CORO7: variants seen among roughly 807,000 people sequenced by gnomAD.
CORO7 encodes coronin 7, also known as coronin-7.
CORO7 carries 107 observed loss-of-function variants against 126.6 expected under a neutral mutation model. The ratio of observed to expected loss-of-function variants is 0.85; its 90% confidence interval spans 0.72 to 0.99. The LOEUF is 0.99. CORO7 is among the 50% of genes least tolerant of loss of function. The pLI, the probability that CORO7 is intolerant of heterozygous loss-of-function variation, is 0.00. For missense variants in CORO7, 1,314 were observed against 1,255.8 expected (o/e 1.05, Z -0.70); for synonymous variants, 603 against 536.8 (o/e 1.12, Z -1.70).
At chr16:4,414,980 G>C (rs989782229) in intron 1 of CORO7, among the ~76,000 whole-genome samples, 1 of 152,024 alleles carries the variant, frequency 6.6e-6, no homozygotes, top group Admixed American at 6.6e-5. Flanking sequence ...TCCAACCTCA[G>C]CCTCCCAAGT....
chr16:4,381,370 C>G (rs762870692), intron 9 of CORO7: 18 of 1,592,978 alleles, frequency 1.1e-5, no homozygotes, highest in East Asian at 2.3e-5. Flanking sequence ...GGCACTGCCC[C>G]CGCTGCGCCT....
At position 4,410,643 on chromosome 16, in the gene CORO7, G is replaced by T. The variant is rs547192988; in HGVS notation, c.232+1713C>A. Among the ~76,000 whole-genome samples the T allele has an allele frequency of 1.9e-3, 282 of 152,298 alleles. 1 individual carries two copies. Among genetic ancestry groups the T allele is most frequent in the African/African-American group, 6.3e-3 (262 of 41,554 alleles). ...ATGTATCTCTAAAACAACATGCTAC[G>T]TGAAAGATGCCAGATTCCAAAGACC... On this transcript the variant is annotated intron_variant, in intron 3 of 27. Transcript: ENST00000251166.
Position 4,362,840 on chromosome 16 carries a change from A to T in CORO7, c.1276-102T>A. 3 of 1,241,626 alleles carry T rather than the reference A, an allele frequency of 2.4e-6. No individual in the cohort carries two copies. The highest frequency in any genetic ancestry group is 3.0e-6 in the Non-Finnish European group (3 of 986,250). The allele number at this position is 1,241,626 out of a possible 1,614,324, so 76.9% of individuals were successfully genotyped here. A position where few individuals can be genotyped will look rare whatever the true frequency, so the allele number is the denominator to read the frequency against. The stretch of plus-strand genomic sequence containing the variant: ...GGTCACCACTCTGGGCCCCCTGCGG[A>T]CTGGAGGAGCCCCCACTGTGGGCAT... On this transcript the variant is annotated intron_variant, in intron 14 of 27. Coordinates refer to ENST00000251166, the MANE Select transcript of CORO7 (RefSeq NM_024535.5). This position sits in a 1 kb window ranked among gnomAD's most constrained non-coding sequence, Gnocchi z 5.3.
intron 7 of CORO7, among the ~76,000 whole-genome samples, chr16:4,392,355 G>A (rs2055424533): frequency 1.3e-5 from 2 of 152,142 alleles, no homozygotes; most frequent in Non-Finnish European, 2.9e-5. Flanking sequence ...AGAACCATCC[G>A]ACTCTCGGGG....
intron 25 of CORO7, chr16:4,357,462 CGA>C (rs2054014465): frequency 1.9e-6 from 1 of 532,930 alleles, no homozygotes; most frequent in Non-Finnish European, 3.2e-6. Flanking sequence ...TGGGTTCAAG[CGA>C]TTCTCCTGCT....
chr16:4,371,782 C>CCCCGCCCCTGCCGCGGCGGG (rs991541440), intron 9 of CORO7: 1 of 152,160 alleles, frequency 6.6e-6, no homozygotes, highest in Non-Finnish European at 1.5e-5. Flanking sequence ...TGGGGAGAGG[C>CCCCGCCCCTGCCGCGGCGGG]CCCGCCCCTG....
intron 7 of CORO7, among the ~76,000 whole-genome samples, chr16:4,393,195 G>A (rs1347401181): frequency 6.6e-6 from 1 of 152,224 alleles, no homozygotes; most frequent in Admixed American, 6.5e-5. Context: ...AGTGCCCTGG[G>A]CTCTGGAGAG....
In CORO7 at chr16:4,407,711, A is replaced by G. The variant is rs376568664; in HGVS notation, c.304-27T>C. 182 of 1,553,200 alleles carry G rather than the reference A, an allele frequency of 1.2e-4. No individual in the cohort carries two copies. In the African/African-American group the frequency reaches 2.0e-3, roughly 17 times the overall value. Reference sequence around the variant, plus strand: ...TGCAAGAAAGACCAAGTCCGTGAGCACAGGGCTGAGGGCCTCACTGCCTTG... The same window carrying G: ...TGCAAGAAAGACCAAGTCCGTGAGCGCAGGGCTGAGGGCCTCACTGCCTTG... On this transcript the variant is annotated intron_variant, in intron 4 of 27. Transcript: ENST00000251166.
rs971759363 is a variant in CORO7, at chr16:4,407,063, G to A, written c.487+438C>T. Among the ~76,000 whole-genome samples, 8 of 151,794 alleles carry A rather than the reference G, an allele frequency of 5.3e-5. No individual in the cohort carries two copies. The South Asian group carries it at 1.0e-3, about 20-fold the overall frequency. The stretch of plus-strand genomic sequence containing the variant: ...CCTGGGTTGGAGCAATACTCTTGCC[G>A]CAGCCTTCTGAGTAGCTGGGATTAC... On this transcript the variant is annotated intron_variant, in intron 5 of 27. Transcript: ENST00000251166.
chr16:4,395,634 G>T (rs956777638), intron 6 of CORO7, among the ~76,000 whole-genome samples: 7 of 152,094 alleles, frequency 4.6e-5, no homozygotes, highest in Non-Finnish European at 8.8e-5. Flanking sequence ...CCAGACACTC[G>T]ACCCCTCCTA....
At chr16:4,374,916 T>C (rs907168782) in intron 9 of CORO7, among the ~76,000 whole-genome samples, 1 of 152,054 alleles carries the variant, frequency 6.6e-6, no homozygotes, top group African/African-American at 2.4e-5. Context: ...GTTAGGGCCT[T>C]ACTAGATGGG....
At chr16:4,387,754 C>T in intron 9 of CORO7, 2 of 585,504 alleles carry the variant, frequency 3.4e-6, no homozygotes, top group Non-Finnish European at 6.1e-6. Context: ...TGACCAAGGG[C>T]CCACTCTGCT....
chr16:4,364,307 A>C lies in CORO7; in HGVS notation c.1244T>G (p.Met415Arg). The C allele has an allele frequency of 6.4e-7, 1 of 1,552,076 alleles. No individual in the cohort carries two copies. The highest frequency in any genetic ancestry group is 8.7e-7 in the Non-Finnish European group (1 of 1,152,480). ...GTCTGCATCACCCACGGGTGTCTCC[A>C]TCACCGCAGGCTGGGCTGTGTCAGG... ...PLPDTAQPAV[M>R]ETPVGDADAS... is the part of the protein sequence containing the mutation. The change falls in exon 14 of 28, where the codon ATG becomes AGG. Residue 415 changes from methionine (M) to arginine (R), a missense_variant. Met to Arg is a moderately conservative substitution (Grantham distance 91). Coordinates refer to ENST00000251166, the MANE Select transcript of CORO7 (RefSeq NM_024535.5).
Position 4,362,284 on chromosome 16 carries a change from A to G in CORO7, c.1403-124T>C, listed in dbSNP as rs2054206313. On this transcript the variant is annotated intron_variant, in intron 15 of 27. Coordinates refer to ENST00000251166, the MANE Select transcript of CORO7 (RefSeq NM_024535.5). This position sits in a 1 kb window ranked among gnomAD's most constrained non-coding sequence, Gnocchi z 5.3. ...GGATGTACAGCATGGACCTAGGCCC[A>G]GGCCTTTGCTAATCCAGTGGATGCA... 7.4e-7 allele frequency: 1 copy of G among 1,355,784 alleles called. No homozygotes were observed. The highest frequency in any genetic ancestry group is 2.8e-5 in the Admixed American group (1 of 35,540). The allele number at this position is 1,355,784 out of a possible 1,614,324, so 84.0% of individuals were successfully genotyped here. A position where few individuals can be genotyped will look rare whatever the true frequency, so the allele number is the denominator to read the frequency against.
At position 4,395,281 on chromosome 16, in the gene CORO7, C is replaced by A. The variant is rs1404977919; in HGVS notation, c.615+8G>T. The A allele has an allele frequency of 6.2e-7, 1 of 1,613,948 alleles. No homozygotes were observed. Among genetic ancestry groups the A allele is most frequent in the South Asian group, 1.1e-5 (1 of 91,088 alleles). On this transcript the variant is annotated splice_region_variant and intron_variant, in intron 7 of 27. Transcript: ENST00000251166. The stretch of plus-strand genomic sequence containing the variant: ...TTCAACCCACCCCAGCTTGCCCACA[C>A]AACTCACCTGAGAGGCCCGCGGCTT...
At chr16:4,381,368 C>T (rs1488530488) in intron 9 of CORO7, 2 of 1,592,546 alleles carry the variant, frequency 1.3e-6, no homozygotes, top group Non-Finnish European at 1.7e-6. Context: ...CGGGCACTGC[C>T]CCCGCTGCGC....
At chr16:4,374,401 G>C (rs1195732992) in intron 9 of CORO7, among the ~76,000 whole-genome samples, 2 of 152,194 alleles carry the variant, frequency 1.3e-5, no homozygotes, top group Non-Finnish European at 2.9e-5. Context: ...TTTGGGCAGG[G>C]GGTGGGGGCA....
At chr16:4,391,253 T>C (rs991433747) in intron 7 of CORO7, among the ~76,000 whole-genome samples, 2 of 151,064 alleles carry the variant, frequency 1.3e-5, no homozygotes, top group African/African-American at 2.4e-5. Context: ...TGAAAACTTC[T>C]CTCTTAAAAA....
In CORO7 at chr16:4,361,144, T is replaced by C; in HGVS notation, c.1774+18A>G. 6.2e-6 allele frequency: 10 copies of C among 1,613,278 alleles called. No individual in the cohort carries two copies. Among genetic ancestry groups the C allele is most frequent in the Non-Finnish European group, 7.6e-6 (9 of 1,179,994 alleles). On this transcript the variant is annotated intron_variant, in intron 18 of 27. Transcript: ENST00000251166. ...GGAGACACTGGCCACCCCAGCCCCA[T>C]TCCTGAGCCTGCCTGACCTGTGAGC...
Sources: gnomAD v4.1 joint callset for allele counts (sites outside exome capture counted in the v4.1 genomes callset) on GRCh38, gnomAD v4.1.1 for gene constraint, Gnocchi (gnomAD v3.1) non-coding constraint, MANE v1.5 for transcripts, NCBI Gene and HGNC (gene_info 2026-07-23, HGNC 2026-07-21) for gene names.